The following FILIP1 variants were observed in gnomAD, a reference collection of about 807,000 sequenced individuals.
The protein encoded by FILIP1 is filamin-A-interacting protein 1.
Under a neutral mutation model 102.1 loss-of-function variants are expected in FILIP1, and 61 were observed. The observed-to-expected ratio is 0.60, with a 90% CI of 0.49 to 0.74. The LOEUF is 0.74. Ranked by LOEUF, FILIP1 falls within the 30% of genes least tolerant of loss-of-function variation. The probability of loss-of-function intolerance (pLI) is 0.00; values close to 1 mark genes in which losing one functional copy is unlikely to be tolerated. For missense variants in FILIP1, 1,314 were observed against 1,441.2 expected (o/e 0.91, Z 1.43); for synonymous variants, 491 against 526.9 (o/e 0.93, Z 0.93).
At chr6:75,430,538 T>G (rs966927943) in intron 1 of FILIP1, among the ~76,000 whole-genome samples, 2 of 152,030 alleles carry the variant, frequency 1.3e-5, no homozygotes, top group Non-Finnish European at 2.9e-5. Context: ...AAAGACATCA[T>G]AAATATATAT....
intron 2 of FILIP1, among the ~76,000 whole-genome samples, chr6:75,381,716 A>AT (rs372717562): frequency 1.4e-3 from 216 of 152,266 alleles, no homozygotes; most frequent in African/African-American, 5.1e-3. Flanking sequence ...GTAGATTTAG[A>AT]TATGTAATAT....
chr6:75,312,297 G>T, intron 5 of FILIP1, 100 bp downstream of exon 5: 1 of 1,157,902 alleles, frequency 8.6e-7, no homozygotes, highest in Non-Finnish European at 1.2e-6. Context: ...CAGGTAGCAT[G>T]AGAAGCATGT....
intron 4 of FILIP1, among the ~76,000 whole-genome samples, chr6:75,327,967 A>G (rs1306722121): frequency 6.6e-6 from 1 of 152,212 alleles, no homozygotes; most frequent in Non-Finnish European, 1.5e-5. Context: ...AGTTTAAAGG[A>G]AAGATAGGAG....
chr6:75,479,868 C>CAAAAA lies in FILIP1; in HGVS notation c.-7+13541_-7+13545dup, dbSNP rs58566488. 7.7e-4 allele frequency among the ~76,000 whole-genome samples: 33 copies of CAAAAA among 42,866 alleles called. 8 individuals carry two copies. The highest frequency in any genetic ancestry group is 2.4e-3 in the African/African-American group (24 of 10,210). 28.1% of individuals were successfully genotyped at this position (42,866 alleles called of 152,430 possible). On this transcript the variant is annotated intron_variant, in intron 1 of 5. Transcript: ENST00000237172. ...TGGGCCACAGAGTAAAGCTGTATCT[C>CAAAAA]AAAAAAAAAAAAAAAAAAAAAAAAA...
At chr6:75,427,178 C>A (rs1777654832) in intron 1 of FILIP1, among the ~76,000 whole-genome samples, 1 of 152,030 alleles carries the variant, frequency 6.6e-6, no homozygotes, top group Non-Finnish European at 1.5e-5. Flanking sequence ...AAAATAATCA[C>A]CAGATAAAAT....
chr6:75,343,377 G>A (rs551857256), intron 4 of FILIP1, among the ~76,000 whole-genome samples: 1 of 152,246 alleles, frequency 6.6e-6, no homozygotes, highest in Non-Finnish European at 1.5e-5. Context: ...CTTCAGTCTA[G>A]AATTCTCCAC....
At chr6:75,348,570 G>A (rs892192670) in intron 4 of FILIP1, among the ~76,000 whole-genome samples, 3 of 152,180 alleles carry the variant, frequency 2.0e-5, no homozygotes, top group African/African-American at 7.2e-5. Flanking sequence ...TACTTAATTT[G>A]TGGAATTTTT....
intron 1 of FILIP1, among the ~76,000 whole-genome samples, chr6:75,491,661 G>A (rs1187915209): frequency 2.6e-5 from 4 of 152,276 alleles, no homozygotes; most frequent in Non-Finnish European, 5.9e-5. Context: ...ACAGAACTAT[G>A]AACTTGAGTG....
intron 1 of FILIP1, among the ~76,000 whole-genome samples, chr6:75,484,064 A>C (rs1488092381): frequency 6.6e-6 from 1 of 152,158 alleles, no homozygotes; most frequent in Non-Finnish European, 1.5e-5. Flanking sequence ...CAGGGGACTT[A>C]AGTTCTGGTC....
downstream of FILIP1, among the ~76,000 whole-genome samples, chr6:75,303,266 A>G (rs1344964251): frequency 6.6e-6 from 1 of 152,190 alleles, no homozygotes; most frequent in Non-Finnish European, 1.5e-5. Flanking sequence ...AACACACTAT[A>G]AAGATGGATA....
At chr6:75,293,387 C>A (rs1158378073) in exon 7 of FILIP1, 3 of 152,122 alleles carry the variant, frequency 2.0e-5, no homozygotes, top group Non-Finnish European at 1.5e-5. Flanking sequence ...TTTCCTTATT[C>A]ATTAGAGAAG....
chr6:75,305,340 A>T (rs1772955659), downstream of FILIP1, among the ~76,000 whole-genome samples: 1 of 152,170 alleles, frequency 6.6e-6, no homozygotes, highest in African/African-American at 2.4e-5. Context: ...AGAAATTTAA[A>T]TATTTTTACA....
chr6:75,324,359 A>T (rs1287906149), intron 4 of FILIP1, among the ~76,000 whole-genome samples: 1 of 151,356 alleles, frequency 6.6e-6, no homozygotes, highest in Non-Finnish European at 1.5e-5. Flanking sequence ...AAAAAAAAAA[A>T]AGGAAAGAAA....
At chr6:75,393,202 T>C (rs1776340349) in intron 2 of FILIP1, among the ~76,000 whole-genome samples, 1 of 152,164 alleles carries the variant, frequency 6.6e-6, no homozygotes, top group South Asian at 2.1e-4. Context: ...TCACTGTCAA[T>C]ATAATAAAAC....
chr6:75,432,952 T>A (rs1777879240), intron 1 of FILIP1, among the ~76,000 whole-genome samples: 1 of 152,162 alleles, frequency 6.6e-6, no homozygotes, highest in Non-Finnish European at 1.5e-5. Context: ...CTTGTGATAG[T>A]TTGCTCCAAA....
At chr6:75,484,435 CTTTTAAAGTACTGTCTTT>C (rs1779728927) in intron 1 of FILIP1, among the ~76,000 whole-genome samples, 1 of 150,386 alleles carries the variant, frequency 6.6e-6, no homozygotes, top group Non-Finnish European at 1.5e-5. Context: ...TTTTAAAGTA[CTTTTAAAGTACTGTCTTT>C]TAAAGTACTT....
intron 1 of FILIP1, among the ~76,000 whole-genome samples, chr6:75,452,464 T>C (rs1778667050): frequency 6.6e-6 from 1 of 152,190 alleles, no homozygotes; most frequent in Non-Finnish European, 1.5e-5. Flanking sequence ...CTGCATAGTA[T>C]TCCATGGTGT....
chr6:75,363,851 CTGGTTGGGAACAAAGTTTCAGCCTA>C (rs1775243790), intron 2 of FILIP1, among the ~76,000 whole-genome samples: 1 of 152,112 alleles, frequency 6.6e-6, no homozygotes. Context: ...AAAGAAAAAG[CTGGTTGGGAACAAAGTTTCAGCCTA>C]TGACAATGGA....
At chr6:75,492,226 T>C (rs1286579023) in intron 1 of FILIP1, among the ~76,000 whole-genome samples, 1 of 152,226 alleles carries the variant, frequency 6.6e-6, no homozygotes, top group Non-Finnish European at 1.5e-5. Context: ...CCTGAGCATA[T>C]GCTATATAAG....
Sources: gnomAD v4.1 joint callset for allele counts (sites outside exome capture counted in the v4.1 genomes callset) on GRCh38, gnomAD v4.1.1 for gene constraint, MANE v1.5 for transcripts, NCBI Gene and HGNC (gene_info 2026-07-23, HGNC 2026-07-21) for gene names.